NLGN1: variants seen among roughly 807,000 people sequenced by gnomAD.
The protein encoded by NLGN1 is neuroligin-1.
In NLGN1, 12 loss-of-function variants were observed where a neutral mutation model predicts 65.5. The observed-to-expected ratio is 0.18, with a 90% CI of 0.12 to 0.30. NLGN1 has a LOEUF of 0.30. Ranked by LOEUF, NLGN1 falls within the 10% of genes least tolerant of loss-of-function variation. The pLI, the probability that NLGN1 is intolerant of heterozygous loss-of-function variation, is 1.00. For synonymous variants in NLGN1, 350 were observed against 359.5 expected, an observed-to-expected ratio of 0.97 and a Z score of 0.30; for missense variants, 750 against 1,007.1, an observed-to-expected ratio of 0.74 and a Z score of 3.46.
At chr3:173,632,786 G>C (rs1755891082) in intron 3 of NLGN1, among the ~76,000 whole-genome samples, 1 of 150,330 alleles carries the variant, frequency 6.7e-6, no homozygotes, top group South Asian at 2.1e-4. Context: ...CTAATATTGT[G>C]GATTCATTGT....
intron 4 of NLGN1, among the ~76,000 whole-genome samples, chr3:173,948,759 T>C (rs1448502501): frequency 6.6e-6 from 1 of 152,216 alleles, no homozygotes; most frequent in Non-Finnish European, 1.5e-5. Context: ...TTATGACTGT[T>C]AAACATTAAT....
At chr3:173,486,896 T>A (rs1728259921) in intron 2 of NLGN1, among the ~76,000 whole-genome samples, 1 of 151,972 alleles carries the variant, frequency 6.6e-6, no homozygotes, top group Non-Finnish European at 1.5e-5. Flanking sequence ...TCAAGTTTAG[T>A]TCATTCTTTT....
At chr3:173,960,677 G>T (rs1404333278) in intron 4 of NLGN1, among the ~76,000 whole-genome samples, 1 of 151,468 alleles carries the variant, frequency 6.6e-6, no homozygotes, top group Admixed American at 6.6e-5. Context: ...AGAAAAATAT[G>T]TTTCCTATAT....
At chr3:173,699,208 G>A (rs766990794) in intron 3 of NLGN1, among the ~76,000 whole-genome samples, 17 of 152,060 alleles carry the variant, frequency 1.1e-4, no homozygotes, top group Non-Finnish European at 2.2e-4. Context: ...CTCAATCATG[G>A]CAAAACCAGT....
At chr3:173,483,127 G>A (rs754759784) in intron 2 of NLGN1, among the ~76,000 whole-genome samples, 1 of 151,904 alleles carries the variant, frequency 6.6e-6, no homozygotes, top group African/African-American at 2.4e-5. Context: ...GATATTCTTG[G>A]TAAAAAGCTC....
At chr3:173,483,285 A>T (rs186368422) in intron 2 of NLGN1, among the ~76,000 whole-genome samples, 17 of 152,198 alleles carry the variant, frequency 1.1e-4, no homozygotes, top group African/African-American at 4.1e-4. Flanking sequence ...TATAATAGTT[A>T]CATTTTGTGA....
At chr3:173,453,106 T>G (rs1292646761) in intron 2 of NLGN1, among the ~76,000 whole-genome samples, 2 of 151,974 alleles carry the variant, frequency 1.3e-5, no homozygotes, top group Non-Finnish European at 2.9e-5. Flanking sequence ...TTTTCTTTTT[T>G]TTTTTTGAGA....
At chr3:173,799,676 T>A (rs1714970432) in intron 3 of NLGN1, among the ~76,000 whole-genome samples, 2 of 151,892 alleles carry the variant, frequency 1.3e-5, no homozygotes, top group African/African-American at 4.8e-5. Context: ...ATGTCTTAAA[T>A]CCACAAGTAA....
chr3:173,961,782 A>G (rs953938271), intron 4 of NLGN1, among the ~76,000 whole-genome samples: 5 of 152,040 alleles, frequency 3.3e-5, no homozygotes, highest in Admixed American at 1.3e-4. Flanking sequence ...TCTTATTATA[A>G]TCAATTAATA....
At chr3:174,148,451 A>T (rs1293670219) in intron 4 of NLGN1, among the ~76,000 whole-genome samples, 2 of 152,182 alleles carry the variant, frequency 1.3e-5, no homozygotes, top group African/African-American at 4.8e-5. Flanking sequence ...TTAGAAATAC[A>T]TACCAAATTG....
chr3:174,279,585 C>T lies in NLGN1; in HGVS notation c.1584C>T (p.Phe528=). 1.9e-6 allele frequency: 3 copies of T among 1,613,140 alleles called. No homozygotes were observed. Among genetic ancestry groups the T allele is most frequent in the Non-Finnish European group, 2.5e-6 (3 of 1,179,470 alleles). The change falls in exon 6 of 7, where the codon TTC becomes TTT. Residue 528 remains phenylalanine (F), a synonymous_variant. Coordinates refer to ENST00000457714, the Ensembl canonical transcript of NLGN1. The surrounding 1 kb of genome is among the most constrained non-coding windows in gnomAD (Gnocchi z 4.7). ...CTACAGAGTTATTTCCTTGCAATTT[C>T]TCCAAAAATGATGTGATGCTGAGTG...
At chr3:173,527,459 A>G (rs949841916) in intron 2 of NLGN1, among the ~76,000 whole-genome samples, 1 of 151,896 alleles carries the variant, frequency 6.6e-6, no homozygotes, top group African/African-American at 2.4e-5. Context: ...GTGCAGTGGC[A>G]CTATCTCAGC....
chr3:173,930,806 G>A (rs1357516889), intron 4 of NLGN1, among the ~76,000 whole-genome samples: 1 of 152,152 alleles, frequency 6.6e-6, no homozygotes, highest in African/African-American at 2.4e-5. Context: ...TCTTGGAGTA[G>A]GTAATGAAAT....
intron 4 of NLGN1, among the ~76,000 whole-genome samples, chr3:173,848,229 G>A (rs1181392761): frequency 2.0e-5 from 3 of 152,122 alleles, no homozygotes; most frequent in South Asian, 2.1e-4. Context: ...AGGAATAGTT[G>A]GCACACAGTA....
At chr3:173,696,618 G>A (rs541758224) in intron 3 of NLGN1, among the ~76,000 whole-genome samples, 2 of 152,218 alleles carry the variant, frequency 1.3e-5, no homozygotes, top group South Asian at 4.1e-4. Context: ...AGAGAGCACT[G>A]GGAAGACAAC....
chr3:174,293,019 A>G, the NLGN1 span, among the ~76,000 whole-genome samples: 2 of 151,658 alleles, frequency 1.3e-5, no homozygotes, highest in South Asian at 2.1e-4. Context: ...TGTATCCTCA[A>G]TAAATAAATT....
At chr3:173,768,290 A>T (rs1294074884) in intron 3 of NLGN1, among the ~76,000 whole-genome samples, 1 of 152,166 alleles carries the variant, frequency 6.6e-6, no homozygotes, top group African/African-American at 2.4e-5. Context: ...ATCTTCATGA[A>T]GCTCTTCTTC....
chr3:173,927,935 T>G (rs1474989641), intron 4 of NLGN1, among the ~76,000 whole-genome samples: 4 of 152,136 alleles, frequency 2.6e-5, no homozygotes, highest in African/African-American at 9.7e-5. Flanking sequence ...GAAGACCTGG[T>G]TGTGTCCGGC....
At chr3:174,172,032 A>C (rs1263059986) in intron 4 of NLGN1, among the ~76,000 whole-genome samples, 3 of 152,126 alleles carry the variant, frequency 2.0e-5, no homozygotes, top group African/African-American at 7.2e-5. Flanking sequence ...GGATCTTTGC[A>C]TGCCAAGAGT....
Sources: gnomAD v4.1 joint callset for allele counts (sites outside exome capture counted in the v4.1 genomes callset) on GRCh38, gnomAD v4.1.1 for gene constraint, Gnocchi (gnomAD v3.1) non-coding constraint, MANE v1.5 for transcripts, NCBI Gene and HGNC (gene_info 2026-07-23, HGNC 2026-07-21) for gene names.